Variants in SCRG1 observed in about 807,000 individuals in gnomAD.
The protein encoded by SCRG1 is stimulator of chondrogenesis 1.
In SCRG1, 3 loss-of-function variants were observed where a neutral mutation model predicts 7.7. The ratio of observed to expected loss-of-function variants is 0.39; its 90% CI spans 0.18 to 1.01. SCRG1 has a LOEUF of 1.01. Among genes scored for constraint, SCRG1 ranks in the 50% least tolerant of loss-of-function variants. The pLI, the probability that SCRG1 is intolerant of heterozygous loss-of-function variation, is 0.36. For synonymous variants in SCRG1, 46 were observed against 41.2 expected (o/e 1.12, Z -0.44); for missense variants, 110 against 117.2 (o/e 0.94, Z 0.28).
chr4:173,447,776 T>TGG, the SCRG1 span, among the ~76,000 whole-genome samples: 18 of 152,228 alleles, frequency 1.2e-4, no homozygotes, highest in Non-Finnish European at 2.4e-4. Context: ...TATAAAGTAC[T>TGG]TCTGCTGTGT....
chr4:173,384,750 T>C lies in SCRG1; in HGVS notation c.*3591A>G, dbSNP rs1408527577. The C allele has an allele frequency of 6.6e-6, 1 of 152,198 alleles. No homozygotes were observed. Among genetic ancestry groups the C allele is most frequent in the Non-Finnish European group, 1.5e-5 (1 of 68,024 alleles). 9.4% of individuals were successfully genotyped at this position (152,198 alleles called of 1,614,324 possible). Reference sequence around the variant, plus strand: ...TAATTAAAAAGAGGTGAGCTATTAATATGTATTACTGTCAACTTTGTGCTC... The same window carrying C: ...TAATTAAAAAGAGGTGAGCTATTAACATGTATTACTGTCAACTTTGTGCTC... On this transcript the variant is annotated 3_prime_UTR_variant, in exon 3 of 3. Transcript: ENST00000296506.
At chr4:173,507,308 C>T in the SCRG1 span, among the ~76,000 whole-genome samples, 1 of 152,314 alleles carries the variant, frequency 6.6e-6, no homozygotes, top group African/African-American at 2.4e-5. The surrounding 1 kb of genome is among the most constrained non-coding windows in gnomAD (Gnocchi z 4.4). Flanking sequence ...CTCCCGGGTT[C>T]AAGCGATTCT....
the SCRG1 span, among the ~76,000 whole-genome samples, chr4:173,421,111 G>A: frequency 6.6e-6 from 1 of 151,796 alleles, no homozygotes; most frequent in Non-Finnish European, 1.5e-5. Context: ...AGATATGGAG[G>A]TATAAAGGAA....
chr4:173,481,578 C>T, the SCRG1 span, among the ~76,000 whole-genome samples: 2 of 152,008 alleles, frequency 1.3e-5, no homozygotes, highest in East Asian at 3.9e-4. Flanking sequence ...TCCTGCCTCC[C>T]CCTCCACATC....
intron 1 of SCRG1, among the ~76,000 whole-genome samples, chr4:173,393,081 A>G (rs899628385): frequency 2.1e-5 from 3 of 143,582 alleles, no homozygotes; most frequent in Non-Finnish European, 4.7e-5. Context: ...ACAGAGCGAG[A>G]CTCCGTCTCG....
At position 173,385,660 on chromosome 4, in the gene SCRG1, G is replaced by A. The variant is rs913775989; in HGVS notation, c.*2681C>T. On this transcript the variant is annotated 3_prime_UTR_variant, in exon 3 of 3. Transcript: ENST00000296506. ...CATATTTTCAGAAAGACATTATGAT[G>A]AATAATTTATAAAATTTTATTTATT... 1 of 151,654 alleles carries A rather than the reference G, an allele frequency of 6.6e-6. No individual in the cohort carries two copies. Among genetic ancestry groups the A allele is most frequent in the Non-Finnish European group, 1.5e-5 (1 of 68,010 alleles). The allele number at this position is 151,654 out of a possible 1,614,324, so 9.4% of individuals were successfully genotyped here.
At chr4:173,453,092 A>G in the SCRG1 span, among the ~76,000 whole-genome samples, 14 of 152,320 alleles carry the variant, frequency 9.2e-5, no homozygotes, top group Admixed American at 7.2e-4. Flanking sequence ...CCAGGCCCCA[A>G]TTCCCACCAG....
the SCRG1 span, among the ~76,000 whole-genome samples, chr4:173,479,514 C>T: frequency 7.0e-6 from 1 of 141,990 alleles, no homozygotes; most frequent in Non-Finnish European, 1.5e-5. Context: ...GATCTAGGAT[C>T]ACTGCAGCCT....
At chr4:173,414,206 T>G in the SCRG1 span, among the ~76,000 whole-genome samples, 2 of 152,216 alleles carry the variant, frequency 1.3e-5, no homozygotes, top group African/African-American at 4.8e-5. Flanking sequence ...ATTGCCATCC[T>G]GTGAGGCTCC....
chr4:173,518,371 C>T, the SCRG1 span, among the ~76,000 whole-genome samples: 1 of 152,154 alleles, frequency 6.6e-6, no homozygotes, highest in South Asian at 2.1e-4. Context: ...GAACCCGGAG[C>T]ATTTATTTAA....
At chr4:173,456,760 A>T in the SCRG1 span, among the ~76,000 whole-genome samples, 34 of 274 alleles carry the variant, frequency 0.12, 1 homozygote, top group South Asian at 0.52. Context: ...AGGATTGACA[A>T]AAAAAAAGTA....
chr4:173,450,158 C>G, the SCRG1 span, among the ~76,000 whole-genome samples: 1 of 152,100 alleles, frequency 6.6e-6, no homozygotes, highest in Admixed American at 6.5e-5. Context: ...CACCAGGTGG[C>G]AGGGAAGAAA....
the SCRG1 span, among the ~76,000 whole-genome samples, chr4:173,483,805 TG>T: frequency 1.0e-5 from 1 of 99,206 alleles, no homozygotes; most frequent in East Asian, 3.0e-4. Context: ...ATATGATATA[TG>T]ATATGTAATA....
chr4:173,493,517 C>T, the SCRG1 span, among the ~76,000 whole-genome samples: 1 of 151,144 alleles, frequency 6.6e-6, no homozygotes, highest in East Asian at 1.9e-4. Flanking sequence ...ACTTGGGAGG[C>T]TGAGGCAGGA....
the SCRG1 span, among the ~76,000 whole-genome samples, chr4:173,466,526 G>T: frequency 7.4e-3 from 1,128 of 152,080 alleles, 13 homozygotes; most frequent in Non-Finnish European, 0.011. Flanking sequence ...TAGTGTTAAG[G>T]GAGACCAGGA....
At chr4:173,393,941 C>A (rs571845043) in intron 1 of SCRG1, among the ~76,000 whole-genome samples, 88 of 152,008 alleles carry the variant, frequency 5.8e-4, no homozygotes, top group Non-Finnish European at 1.1e-3. Context: ...ACTCTGCTTT[C>A]TTTTAGTTAC....
chr4:173,439,575 CAAATATATAA>C, the SCRG1 span, among the ~76,000 whole-genome samples: 1 of 150,762 alleles, frequency 6.6e-6, no homozygotes, highest in Non-Finnish European at 1.5e-5. Context: ...ATATACAATA[CAAATATATAA>C]AAATATACAT....
chr4:173,437,032 A>C, the SCRG1 span, among the ~76,000 whole-genome samples: 15 of 152,364 alleles, frequency 9.8e-5, no homozygotes, highest in Admixed American at 3.9e-4. Context: ...TTCATTGCTC[A>C]GTAATGAGGC....
intron 1 of SCRG1, among the ~76,000 whole-genome samples, chr4:173,392,353 G>A (rs556011992): frequency 4.7e-4 from 71 of 152,248 alleles, no homozygotes; most frequent in African/African-American, 1.5e-3. Context: ...GAATTCCTGC[G>A]TTATAATCAT....
Sources: gnomAD v4.1 joint callset for allele counts (sites outside exome capture counted in the v4.1 genomes callset) on GRCh38, gnomAD v4.1.1 for gene constraint, Gnocchi (gnomAD v3.1) non-coding constraint, MANE v1.5 for transcripts, NCBI Gene and HGNC (gene_info 2026-07-23, HGNC 2026-07-21) for gene names.